The following EPAS1 variants were observed in gnomAD, a reference collection of about 807,000 sequenced individuals.
EPAS1 encodes the protein endothelial PAS domain-containing protein 1.
In EPAS1, 23 loss-of-function variants were observed where a neutral mutation model predicts 87.9. The ratio of observed to expected loss-of-function variants is 0.26; its 90% confidence interval spans 0.19 to 0.37. The LOEUF is 0.37. Ranked by LOEUF, EPAS1 falls within the 10% of genes least tolerant of loss-of-function variation. EPAS1 has a pLI of 1.00. For missense variants in EPAS1, 1,138 were observed against 1,120.7 expected (o/e 1.02, Z -0.22); for synonymous variants, 508 against 444.3 (o/e 1.14, Z -1.80).
chr2:46,356,001 G>A, intron 2 of EPAS1, 150 bp from the exon 3 acceptor site: 1 of 819,800 alleles, frequency 1.2e-6, no homozygotes, highest in Non-Finnish European at 2.1e-6. Flanking sequence ...CTGCCAGGCG[G>A]AGGCAGACAT....
chr2:46,304,937 C>T lies in EPAS1; in HGVS notation c.26+7000C>T, dbSNP rs368429316. 2.2e-4 allele frequency among the ~76,000 whole-genome samples: 34 copies of T among 152,302 alleles called. No homozygotes were observed. In the South Asian group the frequency reaches 6.8e-3, roughly 31 times the overall value. On this transcript the variant is annotated intron_variant, in intron 1 of 15. Coordinates refer to ENST00000263734, the MANE Select transcript of EPAS1 (RefSeq NM_001430.5). The stretch of plus-strand genomic sequence containing the variant: ...TCTATAGAGCCCTTTCGCTGATGAG[C>T]CCTGAGCCTTAACAGCCATCACACT...
At chr2:46,308,649 A>G (rs916832021) in intron 1 of EPAS1, among the ~76,000 whole-genome samples, 1 of 152,226 alleles carries the variant, frequency 6.6e-6, no homozygotes, top group African/African-American at 2.4e-5. Context: ...TTGGGGGACC[A>G]CAGTCAGGTC....
intron 1 of EPAS1, among the ~76,000 whole-genome samples, chr2:46,324,265 C>T (rs550448380): frequency 1.3e-5 from 2 of 152,176 alleles, no homozygotes; most frequent in African/African-American, 2.4e-5. Context: ...AACAGAGTTT[C>T]ACCACGTTAG....
At chr2:46,340,833 C>A (rs1683897408) in intron 1 of EPAS1, among the ~76,000 whole-genome samples, 1 of 152,216 alleles carries the variant, frequency 6.6e-6, no homozygotes, top group Non-Finnish European at 1.5e-5. Context: ...AGGGATCCTC[C>A]TGCCTCAGCC....
chr2:46,298,010 G>T, intron 1 of EPAS1, 73 bp downstream of exon 1: 1 of 1,572,756 alleles, frequency 6.4e-7, no homozygotes, highest in African/African-American at 1.3e-5. Context: ...AGGCGCGACC[G>T]AGAGTGGTTG....
At chr2:46,329,206 G>A (rs13419896) in intron 1 of EPAS1, among the ~76,000 whole-genome samples, 15,458 of 152,168 alleles carry the variant, frequency 0.1, 1,517 homozygotes, top group East Asian at 0.29. Flanking sequence ...AAAGTGAAGC[G>A]CTAGGATTGG....
intron 2 of EPAS1, among the ~76,000 whole-genome samples, chr2:46,352,216 C>T (rs1684179255): frequency 6.6e-6 from 1 of 152,160 alleles, no homozygotes; most frequent in African/African-American, 2.4e-5. Flanking sequence ...TTATTGAGCA[C>T]CTACTCTGGG....
chr2:46,321,636 A>G (rs1187139689), intron 1 of EPAS1, among the ~76,000 whole-genome samples: 1 of 151,980 alleles, frequency 6.6e-6, no homozygotes, highest in Non-Finnish European at 1.5e-5. Flanking sequence ...CATTTTCCTA[A>G]TGATCAGTGA....
At chr2:46,307,101 T>C (rs1683119293) in intron 1 of EPAS1, among the ~76,000 whole-genome samples, 1 of 152,246 alleles carries the variant, frequency 6.6e-6, no homozygotes, top group African/African-American at 2.4e-5. Flanking sequence ...AGTAAGTTTC[T>C]GTAAACCACT....
At chr2:46,317,704 T>G (rs1683369957) in intron 1 of EPAS1, among the ~76,000 whole-genome samples, 1 of 152,236 alleles carries the variant, frequency 6.6e-6, no homozygotes, top group African/African-American at 2.4e-5. Context: ...CTAGATGGCA[T>G]GTTCATCCAG....
In EPAS1 at chr2:46,378,038, C is replaced by G. The variant is rs199710213; in HGVS notation, c.1394C>G (p.Pro465Arg). ...PAFTVPQAAA[P>R]GSTTPSATSS... Reference sequence around the variant, plus strand: ...TTCACCGTGCCCCAGGCAGCTGCCCCGGGCAGCACCACCCCCAGTGCCACC... The same window carrying G: ...TTCACCGTGCCCCAGGCAGCTGCCCGGGGCAGCACCACCCCCAGTGCCACC... The change falls in exon 10 of 16, where the codon CCG becomes CGG. Residue 465 changes from proline (P) to arginine (R), a missense_variant. Physicochemically the swap from Pro to Arg is moderately radical, Grantham distance 103. Transcript: ENST00000263734. 6.2e-7 allele frequency: 1 copy of G among 1,605,708 alleles called. No homozygotes were observed. Among genetic ancestry groups the G allele is most frequent in the East Asian group, 2.2e-5 (1 of 44,560 alleles).
At chr2:46,350,159 A>G (rs1169555779) in intron 2 of EPAS1, among the ~76,000 whole-genome samples, 1 of 152,208 alleles carries the variant, frequency 6.6e-6, no homozygotes, top group African/African-American at 2.4e-5. Context: ...AAGAAAACCC[A>G]GTGTAAATTC....
In EPAS1 at chr2:46,356,133, A is replaced by ACT. The variant is rs545163219; in HGVS notation, c.218-17_218-16insTC. On this transcript the variant is annotated splice_polypyrimidine_tract_variant and intron_variant, in intron 2 of 15. Coordinates refer to ENST00000263734, the MANE Select transcript of EPAS1 (RefSeq NM_001430.5). Reference sequence around the variant, plus strand: ...ACTCCACATTCATGCAAGCTGTCCCACCCCCCCCCCTTTCCAGTTTGCTCT... The same window carrying ACT: ...ACTCCACATTCATGCAAGCTGTCCCACTCCCCCCCCCCTTTCCAGTTTGCTCT... The ACT allele has an allele frequency of 9.0e-6, 11 of 1,219,298 alleles. No homozygotes were observed. Among genetic ancestry groups the ACT allele is most frequent in the Non-Finnish European group, 1.3e-5 (11 of 868,436 alleles). The allele number at this position is 1,219,298 out of a possible 1,614,324, so 75.5% of individuals were successfully genotyped here. A position where few individuals can be genotyped will look rare whatever the true frequency, so the allele number is the denominator to read the frequency against.
intron 1 of EPAS1, among the ~76,000 whole-genome samples, chr2:46,336,917 G>A (rs1683803947): frequency 1.3e-5 from 2 of 152,228 alleles, no homozygotes; most frequent in Non-Finnish European, 2.9e-5. Context: ...AGCAGCACTA[G>A]TTCAGACCCC....
intron 1 of EPAS1, among the ~76,000 whole-genome samples, chr2:46,343,063 C>A (rs1572629748): frequency 6.6e-6 from 1 of 152,092 alleles, no homozygotes; most frequent in South Asian, 2.1e-4. Context: ...TAGATAGATA[C>A]TGTGGCAGGG....
In EPAS1 at chr2:46,345,112, C is replaced by T. The variant is rs1215490041; in HGVS notation, c.27-1761C>T. On this transcript the variant is annotated intron_variant, in intron 1 of 15. Transcript: ENST00000263734. ...AGCTGATTGGATTGAGGCCTTGAAA[C>T]CTATGAACTTCGCTGGATGCTTTTT... is the stretch of plus-strand genomic sequence containing the variant. Among the ~76,000 whole-genome samples the T allele has an allele frequency of 3.9e-5, 6 of 152,166 alleles. No homozygotes were observed. In the East Asian group the frequency reaches 1.2e-3, roughly 29 times the overall value.
chr2:46,301,552 G>A (rs6743836), intron 1 of EPAS1, among the ~76,000 whole-genome samples: 3,595 of 138,480 alleles, frequency 0.026, 59 homozygotes, highest in Non-Finnish European at 0.035. Flanking sequence ...ACTCCAGCCT[G>A]GGCAAGAGTG....
chr2:46,308,962 G>T (rs893066251), intron 1 of EPAS1, among the ~76,000 whole-genome samples: 4 of 152,198 alleles, frequency 2.6e-5, no homozygotes, highest in African/African-American at 7.2e-5. Flanking sequence ...TTTGAAGGTT[G>T]GGGGTGGCGT....
intron 1 of EPAS1, among the ~76,000 whole-genome samples, chr2:46,324,594 T>C (rs1274912020): frequency 6.6e-6 from 1 of 152,226 alleles, no homozygotes; most frequent in Non-Finnish European, 1.5e-5. Flanking sequence ...TGTCCCTGTT[T>C]GGCTGTGATA....
Sources: allele counts gnomAD v4.1 joint callset (sites outside exome capture counted in the v4.1 genomes callset), GRCh38; gene constraint gnomAD v4.1.1; transcripts MANE v1.5; gene names NCBI Gene and HGNC (gene_info 2026-07-23, HGNC 2026-07-21).